KCNN2: variants seen among roughly 807,000 people sequenced by gnomAD.
The protein encoded by KCNN2 is potassium calcium-activated channel subfamily N member 2.
In KCNN2, 24 loss-of-function variants were observed where a neutral mutation model predicts 55.5. The ratio of observed to expected loss-of-function variants is 0.43; its 90% confidence interval spans 0.31 to 0.61. The LOEUF is 0.61. Among genes scored for constraint, KCNN2 ranks in the 20% least tolerant of loss-of-function variants. The probability of loss-of-function intolerance (pLI) is 0.08; values close to 1 mark genes in which losing one functional copy is unlikely to be tolerated. For missense variants in KCNN2, 754 were observed against 853.6 expected, an observed-to-expected ratio of 0.88 and a Z score of 1.45; for synonymous variants, 431 against 336.1, an observed-to-expected ratio of 1.28 and a Z score of -3.09.
intron 1 of KCNN2, among the ~76,000 whole-genome samples, chr5:114,156,250 C>G (rs1415561788): frequency 6.6e-6 from 1 of 151,942 alleles, no homozygotes; most frequent in Non-Finnish European, 1.5e-5. Flanking sequence ...TGTGTCTGTT[C>G]TTGTACCAGT....
At chr5:114,259,921 G>A (rs1032324420) in intron 2 of KCNN2, among the ~76,000 whole-genome samples, 1 of 152,090 alleles carries the variant, frequency 6.6e-6, no homozygotes. Flanking sequence ...AGGAGAATTG[G>A]CATCTGACAT....
chr5:114,401,083 G>C (rs1006276273), intron 2 of KCNN2, among the ~76,000 whole-genome samples: 6 of 150,914 alleles, frequency 4.0e-5, no homozygotes, highest in Non-Finnish European at 7.4e-5. Context: ...ACCAATACCT[G>C]GCACATAGTA....
chr5:114,423,605 A>AAT (rs969702743), intron 3 of KCNN2, among the ~76,000 whole-genome samples: 8 of 152,154 alleles, frequency 5.3e-5, no homozygotes, highest in Admixed American at 2.6e-4. Context: ...CTTATTTACA[A>AAT]ATATATATAT....
At chr5:114,393,906 C>G (rs1209757733) in intron 2 of KCNN2, among the ~76,000 whole-genome samples, 1 of 151,934 alleles carries the variant, frequency 6.6e-6, no homozygotes, top group African/African-American at 2.4e-5. Context: ...TAACCCGTTT[C>G]CCTACTAGAT....
chr5:114,161,514 C>G (rs573116237), intron 1 of KCNN2, among the ~76,000 whole-genome samples: 1 of 151,578 alleles, frequency 6.6e-6, no homozygotes. Context: ...ATCTTTGTGG[C>G]GTTCTCTGTA....
At chr5:114,477,256 C>T (rs1455274689) in intron 5 of KCNN2, among the ~76,000 whole-genome samples, 2 of 151,902 alleles carry the variant, frequency 1.3e-5, no homozygotes, top group Non-Finnish European at 2.9e-5. Flanking sequence ...GTCTGTTCTC[C>T]CAGGAACAGA....
intron 1 of KCNN2, among the ~76,000 whole-genome samples, chr5:114,192,771 T>C (rs1753476836): frequency 6.6e-6 from 1 of 152,070 alleles, no homozygotes; most frequent in African/African-American, 2.4e-5. Flanking sequence ...CCATAGTAGA[T>C]ATGTATTTTT....
intron 1 of KCNN2, among the ~76,000 whole-genome samples, chr5:114,127,401 C>G (rs903086891): frequency 2.0e-5 from 3 of 152,158 alleles, no homozygotes; most frequent in Admixed American, 6.5e-5. Flanking sequence ...CCTGCAGGCT[C>G]AACAACACGT....
Position 114,088,586 on chromosome 5 carries a change from C to T in KCNN2, c.-271+32086C>T, listed in dbSNP as rs561098129. ...TCAATATCTAATCTGTTAAGCTCATCGAGTGTATTTTTATTTTTGTTTTTT... is the reference window on the plus strand; with the variant it reads ...TCAATATCTAATCTGTTAAGCTCATTGAGTGTATTTTTATTTTTGTTTTTT... On this transcript the variant is annotated intron_variant, in intron 1 of 10. Transcript: ENST00000512097. Among the ~76,000 whole-genome samples the T allele has an allele frequency of 2.6e-5, 4 of 151,900 alleles. 1 individual carries two copies. The highest frequency in any genetic ancestry group is 4.2e-4 in the South Asian group (2 of 4,802).
chr5:114,394,994 AG>A (rs953700264), intron 2 of KCNN2, among the ~76,000 whole-genome samples: 9 of 152,118 alleles, frequency 5.9e-5, no homozygotes, highest in African/African-American at 2.2e-4. Flanking sequence ...TATGTTTTTC[AG>A]TGTGTAATTT....
At chr5:114,145,108 G>A (rs990489872) in intron 1 of KCNN2, among the ~76,000 whole-genome samples, 4 of 152,148 alleles carry the variant, frequency 2.6e-5, no homozygotes, top group African/African-American at 9.6e-5. Context: ...ATGAGCCTTG[G>A]CTTTGGAGGG....
chr5:114,346,629 T>G (rs1340349896), intron 2 of KCNN2, among the ~76,000 whole-genome samples: 2 of 152,146 alleles, frequency 1.3e-5, no homozygotes, highest in Non-Finnish European at 2.9e-5. Context: ...GACATAGATA[T>G]TAAATATAGT....
intron 2 of KCNN2, among the ~76,000 whole-genome samples, chr5:114,337,288 G>C (rs1756939260): frequency 6.6e-6 from 1 of 152,170 alleles, no homozygotes; most frequent in Non-Finnish European, 1.5e-5. Flanking sequence ...AGGTGGGTCA[G>C]GTCTAAGAGG....
chr5:114,294,108 G>A (rs1424390368), intron 2 of KCNN2, among the ~76,000 whole-genome samples: 9 of 151,790 alleles, frequency 5.9e-5, no homozygotes, highest in Admixed American at 2.0e-4. Context: ...TCTTGCTAGC[G>A]GTCTATCAAT....
chr5:114,377,170 G>A (rs1219153573), intron 2 of KCNN2, among the ~76,000 whole-genome samples: 11 of 152,166 alleles, frequency 7.2e-5, no homozygotes, highest in African/African-American at 2.7e-4. Flanking sequence ...CCTACCCAGT[G>A]CTCACTGAGT....
At chr5:114,129,358 C>T (rs993974326) in intron 1 of KCNN2, among the ~76,000 whole-genome samples, 1 of 152,144 alleles carries the variant, frequency 6.6e-6, no homozygotes, top group African/African-American at 2.4e-5. Context: ...ATTTCTTCTG[C>T]TACCTTATCA....
At chr5:114,097,274 G>T (rs1201929025) in intron 1 of KCNN2, among the ~76,000 whole-genome samples, 2 of 152,166 alleles carry the variant, frequency 1.3e-5, no homozygotes, top group Non-Finnish European at 2.9e-5. Flanking sequence ...ATTTCCCACA[G>T]GGTCCAGTCA....
intron 2 of KCNN2, among the ~76,000 whole-genome samples, chr5:114,399,189 T>C (rs184617131): frequency 2.0e-5 from 3 of 152,328 alleles, no homozygotes; most frequent in Admixed American, 1.3e-4. Flanking sequence ...TTGTCATAGA[T>C]TGCTCTTATT....
chr5:114,204,631 A>T (rs1452364610), intron 1 of KCNN2, among the ~76,000 whole-genome samples: 1 of 152,050 alleles, frequency 6.6e-6, no homozygotes, highest in African/African-American at 2.4e-5. Context: ...AAAGTTCTTC[A>T]TGTTTCACCT....
Sources: gnomAD v4.1 joint callset for allele counts (sites outside exome capture counted in the v4.1 genomes callset) on GRCh38, gnomAD v4.1.1 for gene constraint, MANE v1.5 for transcripts, NCBI Gene and HGNC (gene_info 2026-07-23, HGNC 2026-07-21) for gene names.